Variants in LAMB1 observed in about 807,000 individuals in gnomAD.
LAMB1 encodes the protein laminin subunit beta 1.
Under a neutral mutation model 222.3 loss-of-function variants are expected in LAMB1, and 121 were observed. The ratio of observed to expected loss-of-function variants is 0.54; its 90% CI spans 0.47 to 0.63. LAMB1 has a LOEUF of 0.63. LAMB1 is among the 30% of genes least tolerant of loss of function. The probability of loss-of-function intolerance (pLI) is 0.00; values close to 1 mark genes in which losing one functional copy is unlikely to be tolerated. For missense variants in LAMB1, 2,172 were observed against 2,240.8 expected, an observed-to-expected ratio of 0.97 and a Z score of 0.62; for synonymous variants, 794 against 807.2, an observed-to-expected ratio of 0.98 and a Z score of 0.28.
At position 107,961,536 on chromosome 7, in the gene LAMB1, C is replaced by G; in HGVS notation, c.1985+13G>C. On this transcript the variant is annotated intron_variant, in intron 16 of 33. Transcript: ENST00000222399. Reference sequence around the variant, plus strand: ...TGAAGCCCGTTGAGCTGCCAAACCACCGTCACACTGACCTTGAGCCTGGTG... The same window carrying G: ...TGAAGCCCGTTGAGCTGCCAAACCAGCGTCACACTGACCTTGAGCCTGGTG... 1.2e-6 allele frequency: 2 copies of G among 1,609,122 alleles called. No individual in the cohort carries two copies. Among genetic ancestry groups the G allele is most frequent in the Non-Finnish European group, 1.7e-6 (2 of 1,175,988 alleles).
chr7:107,971,482 G>A (rs1010649009), intron 13 of LAMB1, among the ~76,000 whole-genome samples: 1 of 152,176 alleles, frequency 6.6e-6, no homozygotes, highest in Non-Finnish European at 1.5e-5. Context: ...GGCTCCTGGG[G>A]AAATTCCTCT....
At chr7:107,947,977 C>CTTG (rs1411311534) in intron 24 of LAMB1, among the ~76,000 whole-genome samples, 2 of 118,272 alleles carry the variant, frequency 1.7e-5, no homozygotes, top group Non-Finnish European at 3.5e-5. Flanking sequence ...TTTATATCTT[C>CTTG]TTCTTCTTTT....
chr7:107,978,012 A>G (rs1198752455), intron 9 of LAMB1, 35 bp downstream of exon 9: 1 of 1,613,264 alleles, frequency 6.2e-7, no homozygotes. Context: ...CTAGAGCCTG[A>G]ATGGATTTAA....
chr7:107,951,012 T>C (rs2033234135), intron 24 of LAMB1: 2 of 485,976 alleles, frequency 4.1e-6, no homozygotes, highest in Non-Finnish European at 7.5e-6. Flanking sequence ...CGGGAGAGTA[T>C]GCACATCCAC....
chr7:107,974,871 C>T (rs548350291), intron 12 of LAMB1, 115 bp downstream of exon 12: 1 of 665,862 alleles, frequency 1.5e-6, no homozygotes, highest in Admixed American at 2.2e-5. Context: ...CTACTCATGT[C>T]TTTTAACACG....
intron 5 of LAMB1, among the ~76,000 whole-genome samples, chr7:107,993,595 A>G (rs548061416): frequency 6.6e-6 from 1 of 152,342 alleles, no homozygotes; most frequent in East Asian, 1.9e-4. Context: ...TGAACTCAGA[A>G]CTATCCATGT....
At position 107,954,110 on chromosome 7, in the gene LAMB1, A is replaced by C. The variant is rs189324584; in HGVS notation, c.2855-356T>G. 3.1e-3 allele frequency among the ~76,000 whole-genome samples: 468 copies of C among 152,246 alleles called. 2 individuals carry two copies. The highest frequency in any genetic ancestry group is 0.01 in the African/African-American group (432 of 41,548). ...CATGGGGGTGGAGCATGTTGGGAGC[A>C]AACTAACAATGTAAAGCATAGCTTC... On this transcript the variant is annotated intron_variant, in intron 21 of 33. Transcript: ENST00000222399.
chr7:107,963,931 C>T (rs1277293370), intron 14 of LAMB1, among the ~76,000 whole-genome samples: 2 of 152,078 alleles, frequency 1.3e-5, no homozygotes, highest in Non-Finnish European at 2.9e-5. Context: ...AAACCCCATC[C>T]CTACTAAAAA....
chr7:107,932,639 T>G, intron 27 of LAMB1: 5 of 491,242 alleles, frequency 1.0e-5, no homozygotes, highest in East Asian at 7.1e-5. Flanking sequence ...ATATGAGCTC[T>G]GCCCAGGATG....
intron 31 of LAMB1, 48 bp downstream of exon 31, chr7:107,929,016 T>C (rs757105309): frequency 1.3e-6 from 2 of 1,556,384 alleles, no homozygotes; most frequent in Non-Finnish European, 1.8e-6. Flanking sequence ...TTCTGGTAAG[T>C]GTATATGTAG....
Position 107,991,905 on chromosome 7 carries a change from C to CAAAA in LAMB1, c.423+2978_423+2981dup, listed in dbSNP as rs71134302. ...CCTGGGAGAGAGCGAGACTTCGTCT[C>CAAAA]AAAAAAAAAAAAAAAAAAAAAGAAT... On this transcript the variant is annotated intron_variant, in intron 5 of 33. Coordinates refer to ENST00000222399, the MANE Select transcript of LAMB1 (RefSeq NM_002291.3). 2.5e-3 allele frequency among the ~76,000 whole-genome samples: 231 copies of CAAAA among 91,676 alleles called. 7 individuals are homozygous for CAAAA. Among genetic ancestry groups the CAAAA allele is most frequent in the African/African-American group, 8.5e-3 (203 of 23,828 alleles). 60.1% of individuals were successfully genotyped at this position (91,676 alleles called of 152,430 possible). A position where few individuals can be genotyped will look rare whatever the true frequency, so the allele number is the denominator to read the frequency against.
In LAMB1 at chr7:107,964,695, G is replaced by A. The variant is rs372919948; in HGVS notation, c.1563-8C>T. On this transcript the variant is annotated splice_region_variant and splice_polypyrimidine_tract_variant and intron_variant, in intron 13 of 33. Coordinates refer to ENST00000222399, the MANE Select transcript of LAMB1 (RefSeq NM_002291.3). ...CCTGACTCCGCAAAGCAACTGGAAG[G>A]GAGGAGGAGCCACATCAGCTGAGTT... is the stretch of plus-strand genomic sequence containing the variant. 6.2e-6 allele frequency: 10 copies of A among 1,613,874 alleles called. No homozygotes were observed. Among genetic ancestry groups the A allele is most frequent in the African/African-American group, 5.3e-5 (4 of 74,936 alleles).
intron 5 of LAMB1, among the ~76,000 whole-genome samples, chr7:107,989,650 T>A (rs1014199662): frequency 6.6e-5 from 10 of 151,982 alleles, no homozygotes; most frequent in Non-Finnish European, 1.2e-4. Flanking sequence ...GAGAGAAAAA[T>A]CCCTAAGGAC....
Position 107,929,129 on chromosome 7 carries a change from C to T in LAMB1, c.4822G>A (p.Ala1608Thr), listed in dbSNP as rs367600316. ...GCTTGTTTAATTGCCTTCTCTGCTGCGACCTGGGCCTTTTCTGCTTCTTCC... is the reference window on the plus strand; with the variant it reads ...GCTTGTTTAATTGCCTTCTCTGCTGTGACCTGGGCCTTTTCTGCTTCTTCC... ...ALEEAEKAQV[A>T]AEKAIKQADE... The change falls in exon 31 of 34, where the codon GCA becomes ACA. Residue 1608 changes from alanine (A) to threonine (T), a missense_variant. Coordinates refer to ENST00000222399, the MANE Select transcript of LAMB1 (RefSeq NM_002291.3). The T allele has an allele frequency of 8.7e-6, 14 of 1,613,882 alleles. 1 individual carries two copies. The highest frequency in any genetic ancestry group is 2.2e-5 in the East Asian group (1 of 44,858).
intron 18 of LAMB1, 114 bp downstream of exon 18, chr7:107,960,331 T>G (rs1433520398): frequency 1.3e-5 from 9 of 694,390 alleles, no homozygotes; most frequent in Non-Finnish European, 1.0e-5. Context: ...GAGACACTAT[T>G]TCCCTTGTGC....
intron 23 of LAMB1, 116 bp from the exon 24 acceptor site, chr7:107,951,438 C>A: frequency 1.2e-6 from 1 of 855,932 alleles, no homozygotes; most frequent in Non-Finnish European, 1.8e-6. Flanking sequence ...GAGAAGGTCT[C>A]CATTGACTAG....
In LAMB1 at chr7:107,939,425, G is replaced by A. The variant is rs371018438; in HGVS notation, c.3761+564C>T. On this transcript the variant is annotated intron_variant, in intron 25 of 33. Coordinates refer to ENST00000222399, the MANE Select transcript of LAMB1 (RefSeq NM_002291.3). ...TGAAGCACTGGTCTGGTGGACTAAT[G>A]GCGGAGAAGCAGAAAAAACTTGAAG... Among the ~76,000 whole-genome samples, 5 of 152,258 alleles carry A rather than the reference G, an allele frequency of 3.3e-5. No individual in the cohort carries two copies. The East Asian group carries it at 9.6e-4, about 29-fold the overall frequency.
At chr7:107,948,188 T>C (rs965649860) in intron 24 of LAMB1, among the ~76,000 whole-genome samples, 7 of 152,164 alleles carry the variant, frequency 4.6e-5, no homozygotes, top group African/African-American at 1.7e-4. Flanking sequence ...GGTTTCACCA[T>C]GTTGGTCCGG....
At chr7:107,994,783 T>C in intron 5 of LAMB1, 104 bp downstream of exon 5, 1 of 603,354 alleles carries the variant, frequency 1.7e-6, no homozygotes, top group Non-Finnish European at 2.9e-6. Context: ...AACAATAATA[T>C]TTAAGTTCCC....
Sources: allele counts gnomAD v4.1 joint callset (sites outside exome capture counted in the v4.1 genomes callset), GRCh38; gene constraint gnomAD v4.1.1; transcripts MANE v1.5; gene names NCBI Gene and HGNC (gene_info 2026-07-23, HGNC 2026-07-21).